Variants in COL22A1 observed in about 807,000 individuals in gnomAD.
The protein encoded by COL22A1 is collagen type XXII alpha 1 chain.
In COL22A1, 221 loss-of-function variants were observed where a neutral mutation model predicts 248.9. That is an observed-to-expected ratio of 0.89 (90% CI 0.80 to 0.99). COL22A1 has a LOEUF of 0.99. Ranked by LOEUF, COL22A1 falls within the 50% of genes least tolerant of loss-of-function variation. COL22A1 has a pLI of 0.00. For missense variants in COL22A1, 2,240 were observed against 2,179.0 expected (o/e 1.03, Z -0.56); for synonymous variants, 891 against 793.4 (o/e 1.12, Z -2.07).
Position 138,598,736 on chromosome 8 carries a change from C to T in COL22A1, c.4348G>A (p.Gly1450Arg), listed in dbSNP as rs1477888642. 6.2e-7 allele frequency: 1 copy of T among 1,613,594 alleles called. No individual in the cohort carries two copies. The highest frequency in any genetic ancestry group is 1.7e-4 in the Middle Eastern group (1 of 5,900). The change falls in exon 61 of 65, where the codon GGA (glycine) becomes AGA (arginine). Residue 1450 changes from glycine (G) to arginine (R), a missense_variant. Gly to Arg is a moderately radical substitution (Grantham distance 125). Coordinates refer to ENST00000303045, the MANE Select transcript of COL22A1 (RefSeq NM_152888.3). ...VGPPGPPGQP[G>R]FPGLRGESPS... The stretch of plus-strand genomic sequence containing the variant: ...ATCCTTACCCTCAGTCCTGGAAATC[C>T]CGGCTGGCCTGGAGGCCCTGGGGGT...
intron 13 of COL22A1, among the ~76,000 whole-genome samples, chr8:138,780,384 C>T (rs1328797622): frequency 3.9e-5 from 6 of 152,158 alleles, no homozygotes; most frequent in South Asian, 2.1e-4. Context: ...AGGTGAAGAA[C>T]GCAGAACTAA....
intron 30 of COL22A1, among the ~76,000 whole-genome samples, chr8:138,713,657 A>G (rs1336119005): frequency 6.6e-6 from 1 of 152,032 alleles, no homozygotes; most frequent in Non-Finnish European, 1.5e-5. Flanking sequence ...TCCAGTCTAA[A>G]GCCTCACCCC....
chr8:138,684,903 C>T (rs141391453), intron 38 of COL22A1, among the ~76,000 whole-genome samples: 76 of 152,284 alleles, frequency 5.0e-4, no homozygotes, highest in East Asian at 2.5e-3. Context: ...TCCTTCTTTA[C>T]GCATACCACA....
intron 11 of COL22A1, among the ~76,000 whole-genome samples, chr8:138,798,807 G>T (rs1251999055): frequency 6.6e-6 from 1 of 152,000 alleles, no homozygotes; most frequent in Admixed American, 6.6e-5. Context: ...TATAATGTTT[G>T]TAAGTGTGTA....
chr8:138,622,003 G>A (rs1320590268), intron 52 of COL22A1, among the ~76,000 whole-genome samples: 3 of 152,194 alleles, frequency 2.0e-5, no homozygotes, highest in African/African-American at 7.2e-5. Context: ...TCAGCATCTG[G>A]CAAACAGTGT....
intron 52 of COL22A1, chr8:138,620,634 G>A (rs1320131583): frequency 1.3e-5 from 2 of 152,160 alleles, no homozygotes; most frequent in African/African-American, 4.8e-5. Flanking sequence ...ACTGGCCCAA[G>A]GCACCAGTAG....
At chr8:138,755,251 C>A (rs756911806) in intron 20 of COL22A1, 41 bp from the exon 21 acceptor site, 1 of 1,597,372 alleles carries the variant, frequency 6.3e-7, no homozygotes, top group African/African-American at 1.3e-5. Flanking sequence ...CATGACTTTT[C>A]CCCCATATGA....
intron 23 of COL22A1, among the ~76,000 whole-genome samples, chr8:138,736,266 G>A (rs938385930): frequency 6.6e-6 from 1 of 151,830 alleles, no homozygotes; most frequent in Non-Finnish European, 1.5e-5. Context: ...CAGATCAGGG[G>A]ACAGGAGTGA....
rs1336805875 is a variant in COL22A1, at chr8:138,597,004, C to G, written c.4366-34G>C. The G allele has an allele frequency of 2.5e-6, 4 of 1,588,296 alleles. No homozygotes were observed. The East Asian group carries it at 8.9e-5, about 36-fold the overall frequency. On this transcript the variant is annotated intron_variant, in intron 61 of 64. Transcript: ENST00000303045. ...GAGGGAAGGTGGAGTCATTCATCTT[C>G]CCAGTAACTTCTGCCACCTAAGAAC...
chr8:138,864,413 G>A (rs928535354), intron 3 of COL22A1, among the ~76,000 whole-genome samples: 4 of 151,720 alleles, frequency 2.6e-5, no homozygotes, highest in African/African-American at 9.7e-5. Context: ...AAGAGAAGGA[G>A]GCCAGGCCGC....
intron 26 of COL22A1, among the ~76,000 whole-genome samples, chr8:138,721,377 A>G (rs1051997782): frequency 2.0e-5 from 3 of 152,220 alleles, no homozygotes; most frequent in African/African-American, 7.2e-5. Context: ...ATTTGCTAAA[A>G]TACTGGTATG....
At chr8:138,883,277 C>T in intron 1 of COL22A1, 33 bp from the exon 2 acceptor site, 1 of 1,203,842 alleles carries the variant, frequency 8.3e-7, no homozygotes, top group Non-Finnish European at 1.2e-6. Context: ...AGAGAAGGCT[C>T]TCAAGCTGAA....
chr8:138,755,832 G>A lies in COL22A1; in HGVS notation c.1903-3C>T. ...GGCCCCGCAGGTCCCACGTCACCCT[G>A]CACAGAAACGACAAACATTTCAGCA... On this transcript the variant is annotated splice_polypyrimidine_tract_variant and splice_region_variant and intron_variant, in intron 18 of 64. Coordinates refer to ENST00000303045, the MANE Select transcript of COL22A1 (RefSeq NM_152888.3). 6.2e-7 allele frequency: 1 copy of A among 1,613,710 alleles called. No homozygotes were observed. The highest frequency in any genetic ancestry group is 1.1e-5 in the South Asian group (1 of 91,062).
intron 16 of COL22A1, among the ~76,000 whole-genome samples, chr8:138,769,887 G>A (rs72729688): frequency 0.059 from 8,971 of 152,210 alleles, 346 homozygotes; most frequent in Non-Finnish European, 0.085. Flanking sequence ...GGTGGATTGT[G>A]GCTTCAGTCC....
At chr8:138,804,245 G>C (rs1157579761) in intron 10 of COL22A1, among the ~76,000 whole-genome samples, 1 of 152,182 alleles carries the variant, frequency 6.6e-6, no homozygotes, top group Admixed American at 6.5e-5. Flanking sequence ...GGAGCCACCA[G>C]GAACCCCAGC....
In COL22A1 at chr8:138,877,784, C is replaced by T; in HGVS notation, c.624G>A (p.Lys208=). The change falls in exon 3 of 65, where the codon AAG becomes AAA. Residue 208 remains lysine, a synonymous_variant. Coordinates refer to ENST00000303045, the MANE Select transcript of COL22A1 (RefSeq NM_152888.3). ...FHVSDFNAID[K]IRGKLRRRLC... ...GACGGCGCCGCAGCTTGCCCCGGATCTTGTCGATGGCATTGAAGTCGGACA... is the reference window on the plus strand; with the variant it reads ...GACGGCGCCGCAGCTTGCCCCGGATTTTGTCGATGGCATTGAAGTCGGACA... 6.2e-7 allele frequency: 1 copy of T among 1,605,000 alleles called. No individual in the cohort carries two copies. Among genetic ancestry groups the T allele is most frequent in the Non-Finnish European group, 8.5e-7 (1 of 1,175,540 alleles).
At chr8:138,662,110 A>C (rs1289469256) in intron 42 of COL22A1, 27 bp from the exon 43 acceptor site, 2 of 1,601,808 alleles carry the variant, frequency 1.2e-6, no homozygotes, top group East Asian at 4.5e-5. Flanking sequence ...GAAGACACTG[A>C]CACCCTACAA....
chr8:138,671,632 C>G (rs1825037602), intron 41 of COL22A1, among the ~76,000 whole-genome samples: 1 of 152,182 alleles, frequency 6.6e-6, no homozygotes, highest in African/African-American at 2.4e-5. Context: ...CTGAATAACA[C>G]CAGAAAACCC....
intron 1 of COL22A1, among the ~76,000 whole-genome samples, chr8:138,911,220 T>G (rs1043475821): frequency 2.0e-5 from 3 of 152,290 alleles, no homozygotes; most frequent in Admixed American, 1.3e-4. Context: ...GTGAAGCTCC[T>G]CCACTCATCC....
Sources: allele counts gnomAD v4.1 joint callset (sites outside exome capture counted in the v4.1 genomes callset), GRCh38; gene constraint gnomAD v4.1.1; transcripts MANE v1.5; gene names NCBI Gene and HGNC (gene_info 2026-07-23, HGNC 2026-07-21).